Variants in SH3RF3 observed in about 807,000 individuals in gnomAD.
SH3RF3 encodes SH3 domain containing ring finger 3.
In SH3RF3, 29 loss-of-function variants were observed where a neutral mutation model predicts 66.3. That is an observed-to-expected ratio of 0.44 (90% confidence interval 0.33 to 0.60). The LOEUF is 0.60. SH3RF3 is among the 20% of genes least tolerant of loss of function. The probability of loss-of-function intolerance (pLI) is 0.04; values close to 1 mark genes in which losing one functional copy is unlikely to be tolerated. For synonymous variants in SH3RF3, 583 were observed against 532.0 expected (o/e 1.10, Z -1.32); for missense variants, 1,194 against 1,190.9 (o/e 1.00, Z -0.04).
intron 8 of SH3RF3, among the ~76,000 whole-genome samples, chr2:109,464,285 C>T (rs1017677998): frequency 2.0e-5 from 3 of 152,180 alleles, no homozygotes; most frequent in Non-Finnish European, 4.4e-5. Flanking sequence ...TACACACATT[C>T]ATACATATAC....
chr2:109,345,108 GTCCT>G (rs550196406), intron 1 of SH3RF3, among the ~76,000 whole-genome samples: 83 of 152,278 alleles, frequency 5.5e-4, no homozygotes, highest in Admixed American at 7.2e-4. Flanking sequence ...CAGTGTCTCT[GTCCT>G]GGGTGGTGGC....
At chr2:109,155,847 T>C (rs759487183) in intron 1 of SH3RF3, among the ~76,000 whole-genome samples, 9 of 152,238 alleles carry the variant, frequency 5.9e-5, no homozygotes, top group Non-Finnish European at 5.9e-5. Context: ...TTCAAACTGC[T>C]AAAGCTTTGT....
At chr2:109,436,327 T>C (rs895099922) in intron 6 of SH3RF3, among the ~76,000 whole-genome samples, 2 of 152,194 alleles carry the variant, frequency 1.3e-5, no homozygotes, top group Non-Finnish European at 2.9e-5. Context: ...AGTGTTCCTC[T>C]TGTGTGAGCT....
At chr2:109,484,690 C>G (rs903040754) in intron 8 of SH3RF3, among the ~76,000 whole-genome samples, 2 of 152,204 alleles carry the variant, frequency 1.3e-5, no homozygotes, top group Non-Finnish European at 2.9e-5. Context: ...AAGAAACTCA[C>G]AAGTGATGCA....
At chr2:109,395,297 C>T (rs1269124193) in intron 3 of SH3RF3, among the ~76,000 whole-genome samples, 1 of 152,214 alleles carries the variant, frequency 6.6e-6, no homozygotes, top group Non-Finnish European at 1.5e-5. Context: ...CCACTCTGGG[C>T]TTTCAGAACG....
chr2:109,335,206 G>C (rs1039898876), intron 1 of SH3RF3, among the ~76,000 whole-genome samples: 2 of 152,228 alleles, frequency 1.3e-5, no homozygotes, highest in African/African-American at 4.8e-5. Flanking sequence ...CGAGGCCTAC[G>C]CACCTCAGAG....
At chr2:109,214,503 C>T (rs918921348) in intron 1 of SH3RF3, among the ~76,000 whole-genome samples, 1 of 151,848 alleles carries the variant, frequency 6.6e-6, no homozygotes, top group Non-Finnish European at 1.5e-5. Flanking sequence ...GAGCCCAAGC[C>T]AGCCAGGCCC....
intron 1 of SH3RF3, among the ~76,000 whole-genome samples, chr2:109,198,619 G>A (rs1428111156): frequency 6.6e-6 from 1 of 152,214 alleles, no homozygotes; most frequent in Admixed American, 6.5e-5. Flanking sequence ...CCCAGTGAGG[G>A]CTGTCTCCCT....
intron 3 of SH3RF3, among the ~76,000 whole-genome samples, chr2:109,392,758 G>A (rs1474329311): frequency 6.6e-6 from 1 of 151,660 alleles, no homozygotes; most frequent in Non-Finnish European, 1.5e-5. Context: ...CTTGTGATCC[G>A]CCCACCTCAG....
chr2:109,268,533 C>A (rs2105311510), intron 1 of SH3RF3, among the ~76,000 whole-genome samples: 1 of 152,294 alleles, frequency 6.6e-6, no homozygotes, highest in East Asian at 1.9e-4. Flanking sequence ...GCCCCATTGC[C>A]CGACCACAGG....
At chr2:109,145,888 C>G (rs1374639908) in intron 1 of SH3RF3, among the ~76,000 whole-genome samples, 3 of 152,188 alleles carry the variant, frequency 2.0e-5, no homozygotes, top group Non-Finnish European at 2.9e-5. Context: ...CTGCGTAGGG[C>G]TATGGGTGTG....
intron 5 of SH3RF3, among the ~76,000 whole-genome samples, chr2:109,420,109 A>G (rs1377537355): frequency 6.6e-6 from 1 of 152,232 alleles, no homozygotes; most frequent in African/African-American, 2.4e-5. Flanking sequence ...GCTGCATCTC[A>G]TCCCCAAATA....
intron 1 of SH3RF3, among the ~76,000 whole-genome samples, chr2:109,244,582 A>G (rs1178949777): frequency 1.3e-5 from 2 of 152,230 alleles, no homozygotes; most frequent in East Asian, 3.8e-4. Flanking sequence ...AATAGTTGCT[A>G]TAGGAATAAG....
chr2:109,473,718 C>T (rs1270737905), intron 8 of SH3RF3, among the ~76,000 whole-genome samples: 1 of 90,040 alleles, frequency 1.1e-5, no homozygotes, highest in Non-Finnish European at 2.2e-5. Flanking sequence ...CACTCAGCCA[C>T]CCACCCACCC....
intron 8 of SH3RF3, among the ~76,000 whole-genome samples, chr2:109,462,856 C>T (rs1678241846): frequency 1.3e-5 from 2 of 152,200 alleles, no homozygotes; most frequent in South Asian, 2.1e-4. Context: ...ATAAGCCCGT[C>T]CCTGACTGGC....
intron 3 of SH3RF3, among the ~76,000 whole-genome samples, chr2:109,385,059 G>A (rs1300524917): frequency 1.3e-5 from 2 of 152,230 alleles, no homozygotes; most frequent in Non-Finnish European, 2.9e-5. Flanking sequence ...GTCCCGGCAT[G>A]CTGGCCTTCC....
intron 1 of SH3RF3, among the ~76,000 whole-genome samples, chr2:109,233,171 C>A (rs1044018806): frequency 2.0e-5 from 3 of 152,206 alleles, no homozygotes; most frequent in African/African-American, 7.2e-5. Flanking sequence ...GCTCAGTGGA[C>A]AGTCAGGGTG....
At chr2:109,287,499 G>T (rs1041918117) in intron 1 of SH3RF3, among the ~76,000 whole-genome samples, 1 of 152,194 alleles carries the variant, frequency 6.6e-6, no homozygotes, top group South Asian at 2.1e-4. Context: ...AGAGCACCAG[G>T]TTGGGACACT....
chr2:109,409,296 G>A (rs769403209), intron 4 of SH3RF3, among the ~76,000 whole-genome samples: 7 of 152,188 alleles, frequency 4.6e-5, no homozygotes, highest in Admixed American at 6.5e-5. Context: ...GGCAGCAAAC[G>A]TTCTAAAGGA....
Sources: gnomAD v4.1 joint callset for allele counts (sites outside exome capture counted in the v4.1 genomes callset) on GRCh38, gnomAD v4.1.1 for gene constraint, MANE v1.5 for transcripts, NCBI Gene and HGNC (gene_info 2026-07-23, HGNC 2026-07-21) for gene names.